FBXL17: variants seen among roughly 807,000 people sequenced by gnomAD.
FBXL17 encodes the protein F-box and leucine rich repeat protein 17, also known as F-box/LRR-repeat protein 17.
A neutral mutation model predicts 66.2 loss-of-function variants in FBXL17; 22 were observed. That is an observed-to-expected ratio of 0.33 (90% CI 0.24 to 0.47). The LOEUF (loss-of-function observed/expected upper bound fraction) is 0.47, where lower values mean the gene tolerates loss of function less well. Among genes scored for constraint, FBXL17 ranks in the 20% least tolerant of loss-of-function variants. The pLI, the probability that FBXL17 is intolerant of heterozygous loss-of-function variation, is 1.00. For synonymous variants in FBXL17, 474 were observed against 400.5 expected, an observed-to-expected ratio of 1.18 and a Z score of -2.19; for missense variants, 878 against 948.2, an observed-to-expected ratio of 0.93 and a Z score of 0.97.
intron 7 of FBXL17, among the ~76,000 whole-genome samples, chr5:107,968,425 G>A (rs1192984119): frequency 6.6e-6 from 1 of 152,076 alleles, no homozygotes; most frequent in Non-Finnish European, 1.5e-5. Context: ...GGTGAGGGCA[G>A]GGCAATTTCT....
chr5:108,381,796 G>A lies in FBXL17; in HGVS notation c.-105C>T. The A allele has an allele frequency of 2.2e-6, 3 of 1,354,678 alleles. No homozygotes were observed. The highest frequency in any genetic ancestry group is 2.8e-6 in the Non-Finnish European group (3 of 1,058,192). The allele number at this position is 1,354,678 out of a possible 1,614,324, so 83.9% of individuals were successfully genotyped here. ...GCTCGCTGGCTCGGCCCCCGGAGGG[G>A]TCGCCCTTCCTGCGCACACACACGC... On this transcript the variant is annotated 5_prime_UTR_variant, in exon 1 of 9. Transcript: ENST00000542267.
At chr5:107,933,868 G>A (rs1193775338) in intron 7 of FBXL17, among the ~76,000 whole-genome samples, 2 of 152,070 alleles carry the variant, frequency 1.3e-5, no homozygotes, top group Non-Finnish European at 2.9e-5. Flanking sequence ...TTGGGGAAGG[G>A]AAGGAAAGGA....
At chr5:108,264,540 T>G (rs569213257) in intron 4 of FBXL17, among the ~76,000 whole-genome samples, 9 of 152,164 alleles carry the variant, frequency 5.9e-5, no homozygotes, top group Non-Finnish European at 1.2e-4. Context: ...ACTATTTCAA[T>G]TTTTTAAATG....
chr5:108,275,661 G>A lies in FBXL17; in HGVS notation c.1507-51433C>T, dbSNP rs116037373. ...GAAATATATCTTCCCAACATCACATGAGCAACATATTATTCAAATTTTGCA... is the reference window on the plus strand; with the variant it reads ...GAAATATATCTTCCCAACATCACATAAGCAACATATTATTCAAATTTTGCA... On this transcript the variant is annotated intron_variant, in intron 4 of 8. Transcript: ENST00000542267. Among the ~76,000 whole-genome samples, 428 of 152,242 alleles carry A rather than the reference G, an allele frequency of 2.8e-3. 4 individuals carry two copies. The highest frequency in any genetic ancestry group is 9.7e-3 in the African/African-American group (405 of 41,562).
intron 6 of FBXL17, among the ~76,000 whole-genome samples, chr5:108,072,240 T>A (rs1429933764): frequency 2.0e-5 from 3 of 152,208 alleles, no homozygotes; most frequent in Admixed American, 6.5e-5. Context: ...AAGTTTTAGA[T>A]AGTTCAGGTA....
chr5:108,339,663 T>C (rs771688848), intron 4 of FBXL17, among the ~76,000 whole-genome samples: 7 of 151,472 alleles, frequency 4.6e-5, no homozygotes, highest in African/African-American at 9.7e-5. Flanking sequence ...AATAATCTAC[T>C]AACCATAAAT....
chr5:107,933,562 A>G (rs1160094486), intron 7 of FBXL17, among the ~76,000 whole-genome samples: 1 of 152,174 alleles, frequency 6.6e-6, no homozygotes, highest in African/African-American at 2.4e-5. Context: ...TCAAACATGC[A>G]AGGAATTTAT....
chr5:108,054,477 G>A (rs1043885084), intron 6 of FBXL17, among the ~76,000 whole-genome samples: 1 of 152,100 alleles, frequency 6.6e-6, no homozygotes, highest in Non-Finnish European at 1.5e-5. Context: ...TGTGGGGTAT[G>A]TATGGCAGAT....
intron 6 of FBXL17, among the ~76,000 whole-genome samples, chr5:108,162,027 C>A (rs923127447): frequency 6.6e-6 from 1 of 152,124 alleles, no homozygotes; most frequent in African/African-American, 2.4e-5. Context: ...ATTATGAAAA[C>A]GTAAAGTGGC....
At chr5:107,948,373 A>T (rs1210433751) in intron 7 of FBXL17, among the ~76,000 whole-genome samples, 4 of 152,180 alleles carry the variant, frequency 2.6e-5, no homozygotes, top group African/African-American at 9.7e-5. Flanking sequence ...CCTGGGAGTC[A>T]CCCTGGACTC....
intron 6 of FBXL17, among the ~76,000 whole-genome samples, chr5:108,138,243 A>C (rs1028883973): frequency 6.6e-6 from 1 of 152,228 alleles, no homozygotes; most frequent in Admixed American, 6.5e-5. Flanking sequence ...TGTCAAGATT[A>C]CTAATATTTA....
intron 6 of FBXL17, among the ~76,000 whole-genome samples, chr5:108,042,002 T>C (rs1460740578): frequency 6.6e-6 from 1 of 152,076 alleles, no homozygotes; most frequent in African/African-American, 2.4e-5. Context: ...TTCAAGCGAC[T>C]CTCCTGCCTC....
chr5:108,048,031 A>G (rs763238942), intron 6 of FBXL17, among the ~76,000 whole-genome samples: 10 of 152,166 alleles, frequency 6.6e-5, no homozygotes, highest in Non-Finnish European at 1.2e-4. Flanking sequence ...CCTAGAAAAG[A>G]GCGATCCTAC....
chr5:107,969,286 C>T (rs776305267), intron 7 of FBXL17, among the ~76,000 whole-genome samples: 1 of 152,094 alleles, frequency 6.6e-6, no homozygotes, highest in Non-Finnish European at 1.5e-5. Context: ...ATTTGACTCA[C>T]ACAGAAATTG....
chr5:108,290,190 A>G (rs1372063903), intron 4 of FBXL17, among the ~76,000 whole-genome samples: 2 of 152,176 alleles, frequency 1.3e-5, no homozygotes, highest in Non-Finnish European at 2.9e-5. Flanking sequence ...TAAATTAATA[A>G]CACATCTTAG....
intron 5 of FBXL17, among the ~76,000 whole-genome samples, chr5:108,223,550 C>T (rs936499817): frequency 2.0e-5 from 3 of 152,044 alleles, no homozygotes; most frequent in Non-Finnish European, 4.4e-5. Flanking sequence ...TTTTAAAGCT[C>T]TGGAAAGCAG....
intron 7 of FBXL17, among the ~76,000 whole-genome samples, chr5:107,943,241 C>T (rs1047854147): frequency 2.6e-5 from 4 of 152,162 alleles, no homozygotes; most frequent in African/African-American, 7.2e-5. Context: ...CCAAATCTCC[C>T]TGTGAGCCCT....
intron 4 of FBXL17, among the ~76,000 whole-genome samples, chr5:108,325,592 C>A (rs943042296): frequency 2.6e-5 from 4 of 152,098 alleles, no homozygotes; most frequent in Non-Finnish European, 4.4e-5. Flanking sequence ...ATTAACATAG[C>A]AGGTCCCACC....
intron 6 of FBXL17, among the ~76,000 whole-genome samples, chr5:108,073,914 A>C (rs1748441615): frequency 6.6e-6 from 1 of 152,158 alleles, no homozygotes. Flanking sequence ...CAGAACTGTT[A>C]GCCAAATAAA....
Sources: allele counts gnomAD v4.1 joint callset (sites outside exome capture counted in the v4.1 genomes callset), GRCh38; gene constraint gnomAD v4.1.1; transcripts MANE v1.5; gene names NCBI Gene and HGNC (gene_info 2026-07-23, HGNC 2026-07-21).